SP100: variants seen among roughly 807,000 people sequenced by gnomAD.
The protein encoded by SP100 is SP100 nuclear body protein.
A neutral mutation model predicts 130.0 loss-of-function variants in SP100; 84 were observed. That is an observed-to-expected ratio of 0.65 (90% confidence interval 0.54 to 0.77). SP100 has a LOEUF of 0.77. Among genes scored for constraint, SP100 ranks in the 30% least tolerant of loss-of-function variants. The probability of loss-of-function intolerance (pLI) is 0.00; values close to 1 mark genes in which losing one functional copy is unlikely to be tolerated. For synonymous variants in SP100, 331 were observed against 351.7 expected (o/e 0.94, Z 0.66); for missense variants, 978 against 1,052.2 (o/e 0.93, Z 0.97).
intron 17 of SP100, among the ~76,000 whole-genome samples, chr2:230,479,591 G>A (rs2065737105): frequency 6.6e-6 from 1 of 152,120 alleles, no homozygotes; most frequent in African/African-American, 2.4e-5. Flanking sequence ...ACCTGTTTTG[G>A]GTTAGGACGT....
At position 230,447,983 on chromosome 2, in the gene SP100, G is replaced by C. The variant is rs566789517; in HGVS notation, c.523+1081G>C. On this transcript the variant is annotated intron_variant, in intron 5 of 28. Coordinates refer to ENST00000340126, the MANE Select transcript of SP100 (RefSeq NM_001080391.2). ...CATTAACATAAACCCAGGTGTGGTC[G>C]AAAAGGGGTTGTTATGAATAACAGA... 3.3e-5 allele frequency among the ~76,000 whole-genome samples: 5 copies of C among 152,316 alleles called. No homozygotes were observed. The East Asian group carries it at 9.6e-4, about 29-fold the overall frequency.
chr2:230,523,335 A>G (rs7562402), intron 24 of SP100, among the ~76,000 whole-genome samples: 1,938 of 152,240 alleles, frequency 0.013, 37 homozygotes, highest in African/African-American at 0.045. Context: ...ATGTACCTTT[A>G]TTATGTTATA....
At chr2:230,471,675 G>C (rs899690285) in intron 15 of SP100, among the ~76,000 whole-genome samples, 14 of 151,864 alleles carry the variant, frequency 9.2e-5, no homozygotes, top group Non-Finnish European at 1.6e-4. Flanking sequence ...GCACAGACTC[G>C]GGCTGCTTGC....
At chr2:230,451,908 C>T (rs899935708) in intron 8 of SP100, among the ~76,000 whole-genome samples, 1 of 152,116 alleles carries the variant, frequency 6.6e-6, no homozygotes, top group Non-Finnish European at 1.5e-5. Context: ...TATCCTTTAC[C>T]CATTGCATAT....
intron 2 of SP100, chr2:230,440,621 C>T: frequency 7.6e-7 from 1 of 1,316,140 alleles, no homozygotes; most frequent in Non-Finnish European, 9.8e-7. Context: ...GTCATCTCCC[C>T]CAAATTTATC....
chr2:230,468,902 C>T (rs1284983389), intron 13 of SP100, 141 bp from the exon 14 acceptor site: 3 of 405,696 alleles, frequency 7.4e-6, no homozygotes, highest in East Asian at 5.0e-5. Flanking sequence ...TGATAGTAAT[C>T]TCTTTCCCTT....
chr2:230,522,975 C>T (rs771388841), intron 24 of SP100, among the ~76,000 whole-genome samples: 10 of 151,752 alleles, frequency 6.6e-5, no homozygotes, highest in South Asian at 2.1e-4. Flanking sequence ...CCAGCATGCC[C>T]GGCTAATTTT....
intron 21 of SP100, among the ~76,000 whole-genome samples, chr2:230,505,692 A>G (rs1302033654): frequency 6.6e-6 from 1 of 152,238 alleles, no homozygotes; most frequent in African/African-American, 2.4e-5. Context: ...ACCAACAAAT[A>G]TAAATGTTTG....
chr2:230,446,731 G>A, intron 4 of SP100, 88 bp from the exon 5 acceptor site: 1 of 802,138 alleles, frequency 1.2e-6, no homozygotes, highest in Non-Finnish European at 2.0e-6. Flanking sequence ...GTCACCCAAG[G>A]GCTGGAAATT....
intron 22 of SP100, 114 bp downstream of exon 22, chr2:230,506,559 G>A: frequency 9.7e-7 from 1 of 1,029,196 alleles, no homozygotes; most frequent in South Asian, 1.6e-5. Flanking sequence ...CCTCTGCCCA[G>A]GTCTCCATGC....
intron 13 of SP100, among the ~76,000 whole-genome samples, chr2:230,467,903 T>C (rs1256386406): frequency 6.6e-6 from 1 of 152,240 alleles, no homozygotes; most frequent in East Asian, 1.9e-4. Context: ...ACCAACTTGT[T>C]CAAAATTCCA....
At chr2:230,466,420 A>G in intron 12 of SP100, 66 bp downstream of exon 12, 3 of 864,198 alleles carry the variant, frequency 3.5e-6, no homozygotes, top group South Asian at 1.4e-5. Context: ...TAAATGAACA[A>G]TATTTTCTAC....
intron 9 of SP100, 55 bp downstream of exon 9, chr2:230,461,469 G>T: frequency 3.2e-6 from 5 of 1,580,746 alleles, no homozygotes; most frequent in Non-Finnish European, 4.3e-6. Context: ...CAGGTAAGGG[G>T]CTCAGGGACT....
chr2:230,418,073 A>G (rs1350811921), intron 2 of SP100, among the ~76,000 whole-genome samples: 2 of 152,192 alleles, frequency 1.3e-5, no homozygotes, highest in Non-Finnish European at 2.9e-5. Flanking sequence ...TGCTACCGCT[A>G]TTCCAGGAAG....
At chr2:230,438,639 G>GTA (rs142300655) in intron 2 of SP100, among the ~76,000 whole-genome samples, 2,934 of 135,072 alleles carry the variant, frequency 0.022, 109 homozygotes, top group African/African-American at 0.069. Context: ...ACTCCATGGT[G>GTA]TATATATATA....
chr2:230,503,023 T>G, intron 19 of SP100, 43 bp from the exon 20 acceptor site: 2 of 1,437,236 alleles, frequency 1.4e-6, no homozygotes, highest in Non-Finnish European at 1.9e-6. Flanking sequence ...CACTACTATT[T>G]GCAATGTAAA....
At chr2:230,466,141 C>T (rs1187315194) in intron 11 of SP100, among the ~76,000 whole-genome samples, 160 bp from the exon 12 acceptor site, 1 of 131,554 alleles carries the variant, frequency 7.6e-6, no homozygotes, top group Non-Finnish European at 1.5e-5. Context: ...ACCAAGATTG[C>T]ACCACTGCAC....
At chr2:230,498,596 A>G in intron 19 of SP100, 61 bp downstream of exon 19, 1 of 976,670 alleles carries the variant, frequency 1.0e-6, no homozygotes, top group South Asian at 2.6e-5. Context: ...TCTTAGTAAG[A>G]AACATTTTTT....
chr2:230,469,907 T>C (rs959157149), intron 14 of SP100, 108 bp from the exon 15 acceptor site: 7 of 1,502,388 alleles, frequency 4.7e-6, no homozygotes, highest in Non-Finnish European at 6.3e-6. Flanking sequence ...GGACTATTTC[T>C]CCCCCTCCTC....
Sources: allele counts gnomAD v4.1 joint callset (sites outside exome capture counted in the v4.1 genomes callset), GRCh38; gene constraint gnomAD v4.1.1; transcripts MANE v1.5; gene names NCBI Gene and HGNC (gene_info 2026-07-23, HGNC 2026-07-21).